Variants in VAV2 observed in about 807,000 individuals in gnomAD.
The protein encoded by VAV2 is vav guanine nucleotide exchange factor 2, also known as guanine nucleotide exchange factor VAV2.
Under a neutral mutation model 132.5 loss-of-function variants are expected in VAV2, and 67 were observed. That is an observed-to-expected ratio of 0.51 (90% CI 0.42 to 0.62). The LOEUF is 0.62. Ranked by LOEUF, VAV2 falls within the 20% of genes least tolerant of loss-of-function variation. VAV2 has a pLI of 0.00. For synonymous variants in VAV2, 492 were observed against 443.5 expected, an observed-to-expected ratio of 1.11 and a Z score of -1.37; for missense variants, 938 against 1,153.6, an observed-to-expected ratio of 0.81 and a Z score of 2.71.
In VAV2 at chr9:133,848,304, A is replaced by AAAAAT. The variant is rs1837028166; in HGVS notation, c.380+13069_380+13070insATTTT. Among the ~76,000 whole-genome samples, 4 of 147,742 alleles carry AAAAAT rather than the reference A, an allele frequency of 2.7e-5. No individual in the cohort carries two copies. In the South Asian group the frequency reaches 8.6e-4, roughly 32 times the overall value. ...CAAAAAAAAAAAAAAAAAAAAAAAAATCCAAAGCAATGAAGATGAAACGAA... is the reference window on the plus strand; with the variant it reads ...CAAAAAAAAAAAAAAAAAAAAAAAAAAAAATTCCAAAGCAATGAAGATGAAACGAA... On this transcript the variant is annotated intron_variant, in intron 3 of 29. Coordinates refer to ENST00000371850, the MANE Select transcript of VAV2 (RefSeq NM_001134398.2).
chr9:133,957,168 G>A (rs1196228447), intron 1 of VAV2, among the ~76,000 whole-genome samples: 1 of 152,178 alleles, frequency 6.6e-6, no homozygotes, highest in Non-Finnish European at 1.5e-5. Flanking sequence ...CTGAGGCTCG[G>A]CCTGGCAGTT....
intron 19 of VAV2, 137 bp downstream of exon 19, chr9:133,783,366 G>T (rs913720424): frequency 1.4e-5 from 11 of 770,050 alleles, no homozygotes; most frequent in African/African-American, 3.4e-5. Context: ...TCTGCTCTGG[G>T]GCACGTGAGC....
intron 1 of VAV2, among the ~76,000 whole-genome samples, chr9:133,984,928 G>C (rs778525065): frequency 6.6e-6 from 1 of 151,478 alleles, no homozygotes; most frequent in African/African-American, 2.4e-5. Flanking sequence ...AAAAGCATAG[G>C]TTAAGTAAAA....
intron 1 of VAV2, among the ~76,000 whole-genome samples, chr9:133,990,716 C>T (rs1842987883): frequency 6.6e-6 from 1 of 152,238 alleles, no homozygotes; most frequent in Admixed American, 6.5e-5. Context: ...TCCAGACTTC[C>T]CAGTCCCCGT....
In VAV2 at chr9:133,789,351, G is replaced by A; in HGVS notation, c.1189-8C>T. On this transcript the variant is annotated splice_region_variant and splice_polypyrimidine_tract_variant and intron_variant, in intron 13 of 29. Coordinates refer to ENST00000371850, the MANE Select transcript of VAV2 (RefSeq NM_001134398.2). Reference sequence around the variant, plus strand: ...TTCCTCCAGTTTCACTTGCTGGGAAGAAGGAGAGGGGCCGTCAGCCGGGGC... The same window carrying A: ...TTCCTCCAGTTTCACTTGCTGGGAAAAAGGAGAGGGGCCGTCAGCCGGGGC... The A allele has an allele frequency of 6.3e-7, 1 of 1,598,766 alleles. No homozygotes were observed. Among genetic ancestry groups the A allele is most frequent in the Non-Finnish European group, 8.5e-7 (1 of 1,177,388 alleles).
At chr9:133,829,674 G>A (rs535308708) in intron 4 of VAV2, among the ~76,000 whole-genome samples, 8 of 151,976 alleles carry the variant, frequency 5.3e-5, no homozygotes, top group Non-Finnish European at 1.0e-4. Flanking sequence ...TTGCTCTGTC[G>A]CTCAGGCTGG....
chr9:133,983,922 C>G (rs1842776406), intron 1 of VAV2, among the ~76,000 whole-genome samples: 1 of 152,120 alleles, frequency 6.6e-6, no homozygotes, highest in African/African-American at 2.4e-5. Context: ...TTTTCCTAAT[C>G]TCCCTCCCTG....
chr9:133,844,834 T>A (rs1336319660), intron 3 of VAV2, among the ~76,000 whole-genome samples: 1 of 152,262 alleles, frequency 6.6e-6, no homozygotes, highest in Non-Finnish European at 1.5e-5. Context: ...GGCTTGGGTC[T>A]GCCCAAGCTT....
chr9:133,808,985 C>T (rs576370991), intron 7 of VAV2, 55 bp downstream of exon 7: 1 of 1,524,290 alleles, frequency 6.6e-7, no homozygotes, highest in East Asian at 2.3e-5. Context: ...ATAGGTGGCC[C>T]TGCAGTGACC....
intron 2 of VAV2, among the ~76,000 whole-genome samples, chr9:133,875,251 G>A (rs560484299): frequency 2.0e-5 from 3 of 152,280 alleles, no homozygotes; most frequent in South Asian, 2.1e-4. Flanking sequence ...GCCGAGTGCC[G>A]AACCCTCCGT....
chr9:133,791,693 T>G, intron 13 of VAV2, 90 bp downstream of exon 13: 43 of 1,152,874 alleles, frequency 3.7e-5, no homozygotes, highest in Non-Finnish European at 4.7e-5. Context: ...TGGCTGCCCA[T>G]GGAGCTCACT....
At position 133,808,899 on chromosome 9, in the gene VAV2, G is replaced by A. The variant is rs1835255453; in HGVS notation, c.666+141C>T. ...TGGGTAGGGGGTACCTGGAGGCAGA[G>A]CTGGGAGGGCCACCAAGTCTCCTTC... On this transcript the variant is annotated intron_variant, in intron 7 of 29. Transcript: ENST00000371850. 3 of 737,412 alleles carry A rather than the reference G, an allele frequency of 4.1e-6. No homozygotes were observed. The Admixed American group carries it at 8.7e-5, about 21-fold the overall frequency. The allele number at this position is 737,412 out of a possible 1,614,324, so 45.7% of individuals were successfully genotyped here.
rs926905869 is a variant in VAV2, at chr9:133,788,059, T to C, written c.1407+295A>G. On this transcript the variant is annotated intron_variant, in intron 15 of 29. Coordinates refer to ENST00000371850, the MANE Select transcript of VAV2 (RefSeq NM_001134398.2). This position sits in a 1 kb window ranked among gnomAD's most constrained non-coding sequence, Gnocchi z 5.3. ...CCCACCCTCACTAGAGGCCTTGGGG[T>C]GGCCTCTCCCCTCTGCCTCAGTCGC... is the stretch of plus-strand genomic sequence containing the variant. Among the ~76,000 whole-genome samples, 2 of 152,176 alleles carry C rather than the reference T, an allele frequency of 1.3e-5. No homozygotes were observed. Among genetic ancestry groups the C allele is most frequent in the East Asian group, 3.9e-4 (2 of 5,178 alleles).
At position 133,863,780 on chromosome 9, in the gene VAV2, G is replaced by A. The variant is rs149567612; in HGVS notation, c.322-2348C>T. On this transcript the variant is annotated intron_variant, in intron 2 of 29. Transcript: ENST00000371850. The surrounding 1 kb of genome is among the most constrained non-coding windows in gnomAD (Gnocchi z 5.0). ...GGGGGGAAGCTCAGAAGTCCACCAC[G>A]GGGAACCACACTCCAGTGACCCAAA... 3.7e-4 allele frequency among the ~76,000 whole-genome samples: 57 copies of A among 152,266 alleles called. No homozygotes were observed. The East Asian group carries it at 6.4e-3, about 17-fold the overall frequency.
At chr9:133,795,827 C>T in intron 11 of VAV2, 91 bp from the exon 12 acceptor site, 1 of 1,442,728 alleles carries the variant, frequency 6.9e-7, no homozygotes, top group Non-Finnish European at 9.5e-7. Flanking sequence ...GTGCACAGAA[C>T]CAAGTCCTCA....
intron 1 of VAV2, among the ~76,000 whole-genome samples, chr9:133,948,135 G>A (rs1841431113): frequency 6.6e-6 from 1 of 152,176 alleles, no homozygotes; most frequent in Non-Finnish European, 1.5e-5. Flanking sequence ...GGCTCCCAAG[G>A]CAGATGTCCG....
intron 1 of VAV2, among the ~76,000 whole-genome samples, chr9:133,959,308 G>A (rs1841891532): frequency 6.6e-6 from 1 of 152,154 alleles, no homozygotes; most frequent in Non-Finnish European, 1.5e-5. Context: ...CACAGACCCA[G>A]GCCCTGCACC....
chr9:133,942,286 G>A (rs1217216884), intron 1 of VAV2, among the ~76,000 whole-genome samples: 3 of 152,242 alleles, frequency 2.0e-5, no homozygotes, highest in Non-Finnish European at 2.9e-5. Context: ...CTCCAAGGGT[G>A]GCCACCGTTG....
intron 27 of VAV2, 69 bp downstream of exon 27, chr9:133,770,309 G>T (rs1167903374): frequency 5.0e-6 from 8 of 1,603,630 alleles, no homozygotes; most frequent in Non-Finnish European, 6.8e-6. Flanking sequence ...CAGGATCTGA[G>T]CCCTGGGAAG....
Sources: allele counts gnomAD v4.1 joint callset (sites outside exome capture counted in the v4.1 genomes callset), GRCh38; gene constraint gnomAD v4.1.1; non-coding constraint Gnocchi (gnomAD v3.1); transcripts MANE v1.5; gene names NCBI Gene and HGNC (gene_info 2026-07-23, HGNC 2026-07-21).